The following NRXN1 variants were observed in gnomAD, a reference collection of about 807,000 sequenced individuals.
NRXN1 encodes the protein neurexin-1.
NRXN1 carries 39 observed loss-of-function variants against 150.9 expected under a neutral mutation model. The ratio of observed to expected loss-of-function variants is 0.26; its 90% confidence interval spans 0.20 to 0.34. The LOEUF is 0.34. Among genes scored for constraint, NRXN1 ranks in the 10% least tolerant of loss-of-function variants. NRXN1 has a pLI of 1.00. For synonymous variants in NRXN1, 924 were observed against 757.0 expected (o/e 1.22, Z -3.62); for missense variants, 1,815 against 1,949.9 (o/e 0.93, Z 1.30).
chr2:50,701,820 C>G (rs1693782957), intron 5 of NRXN1, among the ~76,000 whole-genome samples: 1 of 152,134 alleles, frequency 6.6e-6, no homozygotes, highest in Admixed American at 6.6e-5. Flanking sequence ...TCTCTTCTAT[C>G]AGGATAATTA....
At chr2:50,716,876 C>T (rs1695933283) in intron 5 of NRXN1, among the ~76,000 whole-genome samples, 2 of 152,096 alleles carry the variant, frequency 1.3e-5, no homozygotes, top group African/African-American at 2.4e-5. Flanking sequence ...TATGATGTCT[C>T]TTCTATTAGT....
At chr2:50,644,166 A>C (rs1684465934) in intron 5 of NRXN1, among the ~76,000 whole-genome samples, 1 of 151,694 alleles carries the variant, frequency 6.6e-6, no homozygotes, top group South Asian at 2.1e-4. Flanking sequence ...GAAAAAAAAA[A>C]CTTAATGATT....
chr2:50,558,435 A>C (rs980400636), intron 8 of NRXN1, among the ~76,000 whole-genome samples: 1 of 152,188 alleles, frequency 6.6e-6, no homozygotes, highest in Admixed American at 6.5e-5. Context: ...ATAACCTTTC[A>C]ATGAGTTACA....
chr2:50,956,277 TTA>T (rs1692271010), intron 2 of NRXN1, among the ~76,000 whole-genome samples: 1 of 152,186 alleles, frequency 6.6e-6, no homozygotes, highest in Non-Finnish European at 1.5e-5. Flanking sequence ...TGAAATTTTG[TTA>T]TAAATATGTA....
chr2:50,088,559 A>G (rs1388760316), intron 19 of NRXN1, among the ~76,000 whole-genome samples: 1 of 152,190 alleles, frequency 6.6e-6, no homozygotes, highest in Non-Finnish European at 1.5e-5. Flanking sequence ...GTAAAAGGGC[A>G]TTTAAAATCT....
At chr2:50,056,546 G>A (rs1482849225) in intron 19 of NRXN1, among the ~76,000 whole-genome samples, 1 of 152,002 alleles carries the variant, frequency 6.6e-6, no homozygotes, top group Non-Finnish European at 1.5e-5. Context: ...TTATAATGTG[G>A]GAATATAGTT....
At chr2:49,962,478 G>A (rs1462343491) in intron 21 of NRXN1, among the ~76,000 whole-genome samples, 3 of 152,186 alleles carry the variant, frequency 2.0e-5, no homozygotes, top group Non-Finnish European at 4.4e-5. Flanking sequence ...TGTAATGCCT[G>A]AAACTAGTGT....
At chr2:50,547,210 A>T (rs72835366) in intron 9 of NRXN1, among the ~76,000 whole-genome samples, 44 of 152,288 alleles carry the variant, frequency 2.9e-4, no homozygotes, top group Admixed American at 5.2e-4. Context: ...AACCGCTGAC[A>T]CAATCAGCTG....
At chr2:50,789,093 T>A (rs569584799) in intron 5 of NRXN1, among the ~76,000 whole-genome samples, 140 of 152,306 alleles carry the variant, frequency 9.2e-4, no homozygotes, top group African/African-American at 3.3e-3. Context: ...TTAAGGAATT[T>A]CATATATTCC....
intron 2 of NRXN1, among the ~76,000 whole-genome samples, chr2:51,009,916 C>T (rs1245563289): frequency 6.6e-6 from 1 of 151,808 alleles, no homozygotes; most frequent in Non-Finnish European, 1.5e-5. Context: ...CAATCTGACA[C>T]ACGAGACCAA....
At position 50,462,605 on chromosome 2, in the gene NRXN1, T is replaced by C. The variant is rs192201184; in HGVS notation, c.3364+2837A>G. Among the ~76,000 whole-genome samples, 157 of 151,932 alleles carry C rather than the reference T, an allele frequency of 1.0e-3. 2 individuals carry two copies. The highest frequency in any genetic ancestry group is 2.5e-4 in the Non-Finnish European group (17 of 67,826). On this transcript the variant is annotated intron_variant, in intron 17 of 22. Transcript: ENST00000401669. ...ACACCTGCATATCCACATACACACATGCACAAAACAATTGTTTTTGTCAGT... is the reference window on the plus strand; with the variant it reads ...ACACCTGCATATCCACATACACACACGCACAAAACAATTGTTTTTGTCAGT...
intron 2 of NRXN1, among the ~76,000 whole-genome samples, chr2:50,981,851 G>C (rs1358285741): frequency 1.3e-5 from 2 of 151,430 alleles, no homozygotes; most frequent in African/African-American, 4.9e-5. Context: ...GTATGTGTGT[G>C]TGTGTGTGTG....
chr2:50,614,054 C>T (rs1357985289), intron 8 of NRXN1, among the ~76,000 whole-genome samples: 1 of 152,142 alleles, frequency 6.6e-6, no homozygotes, highest in Non-Finnish European at 1.5e-5. Flanking sequence ...CAAAAAGCAA[C>T]TGTCTTCCCG....
At chr2:50,908,393 C>G (rs1453722665) in intron 5 of NRXN1, among the ~76,000 whole-genome samples, 1 of 125,952 alleles carries the variant, frequency 7.9e-6, no homozygotes, top group South Asian at 2.5e-4. Context: ...ACAACCACAC[C>G]CCTACCTTTG....
At chr2:50,459,451 C>T (rs533890237) in intron 17 of NRXN1, among the ~76,000 whole-genome samples, 5 of 152,134 alleles carry the variant, frequency 3.3e-5, no homozygotes, top group African/African-American at 9.6e-5. Flanking sequence ...TTTTCTGCTC[C>T]TCTCCCTCTT....
chr2:49,936,224 A>C (rs1456994415), intron 22 of NRXN1, among the ~76,000 whole-genome samples: 1 of 152,208 alleles, frequency 6.6e-6, no homozygotes. Context: ...AATTATTATA[A>C]GTGGCCAATC....
chr2:50,683,646 A>AAAAAAAAAAAAATATATATAT, intron 5 of NRXN1, among the ~76,000 whole-genome samples: 3 of 14,898 alleles, frequency 2.0e-4, no homozygotes, highest in Admixed American at 1.1e-3. Flanking sequence ...AAAAAAAAAA[A>AAAAAAAAAAAAATATATATAT]ATATATATAT....
At chr2:50,917,367 A>G (rs1685360183) in intron 5 of NRXN1, 1 of 151,814 alleles carries the variant, frequency 6.6e-6, no homozygotes, top group Non-Finnish European at 1.5e-5. Flanking sequence ...ATATTTTAAA[A>G]AGCATAAAAC....
At chr2:50,657,888 G>A (rs1215825795) in intron 5 of NRXN1, among the ~76,000 whole-genome samples, 1 of 151,962 alleles carries the variant, frequency 6.6e-6, no homozygotes, top group Non-Finnish European at 1.5e-5. Context: ...GCAGAACCAG[G>A]ACTAGTAAAC....
Sources: gnomAD v4.1 joint callset for allele counts (sites outside exome capture counted in the v4.1 genomes callset) on GRCh38, gnomAD v4.1.1 for gene constraint, MANE v1.5 for transcripts, NCBI Gene and HGNC (gene_info 2026-07-23, HGNC 2026-07-21) for gene names.